Variants in CALN1 observed in about 807,000 individuals in gnomAD.
The protein encoded by CALN1 is calneuron 1, also known as calcium-binding protein 8.
A neutral mutation model predicts 30.6 loss-of-function variants in CALN1; 17 were observed. That is an observed-to-expected ratio of 0.56 (90% confidence interval 0.38 to 0.83). CALN1 has a LOEUF of 0.83. Among genes scored for constraint, CALN1 ranks in the 40% least tolerant of loss-of-function variants. CALN1 has a pLI of 0.00. For missense variants in CALN1, 291 were observed against 354.9 expected, an observed-to-expected ratio of 0.82 and a Z score of 1.45; for synonymous variants, 156 against 131.4, an observed-to-expected ratio of 1.19 and a Z score of -1.28.
intron 2 of CALN1, among the ~76,000 whole-genome samples, chr7:72,342,620 A>G (rs1240322140): frequency 6.6e-6 from 1 of 152,174 alleles, no homozygotes; most frequent in Non-Finnish European, 1.5e-5. Context: ...AACAGTGAGG[A>G]GTCAATTTCA....
At chr7:72,184,108 T>C (rs1458935609) in intron 3 of CALN1, among the ~76,000 whole-genome samples, 1 of 152,190 alleles carries the variant, frequency 6.6e-6, no homozygotes, top group Non-Finnish European at 1.5e-5. Flanking sequence ...TCTCAGCAAA[T>C]GATAATCTCT....
chr7:72,117,196 A>C (rs1278564048), intron 3 of CALN1, among the ~76,000 whole-genome samples: 5 of 152,322 alleles, frequency 3.3e-5, no homozygotes, highest in African/African-American at 1.2e-4. Context: ...GCACACCTGC[A>C]GTCCCAGCTA....
chr7:72,224,163 C>A (rs2677280), intron 3 of CALN1, among the ~76,000 whole-genome samples: 1 of 151,922 alleles, frequency 6.6e-6, no homozygotes, highest in African/African-American at 2.4e-5. Flanking sequence ...GGCATATGTA[C>A]CCCCTTGAAT....
intron 4 of CALN1, among the ~76,000 whole-genome samples, chr7:72,026,388 C>G (rs972630227): frequency 1.3e-5 from 2 of 152,074 alleles, no homozygotes; most frequent in African/African-American, 4.8e-5. Context: ...GAGTTCGAGA[C>G]CAGTCTGGCC....
At chr7:71,831,702 A>G (rs1484109073) in intron 5 of CALN1, among the ~76,000 whole-genome samples, 2 of 151,346 alleles carry the variant, frequency 1.3e-5, no homozygotes, top group East Asian at 3.9e-4. Context: ...TCTAGGCAAC[A>G]TGGCAAAACC....
In CALN1 at chr7:72,023,824, T is replaced by C. The variant is rs1304282014; in HGVS notation, c.389-55A>G. 1.6e-5 allele frequency: 20 copies of C among 1,285,842 alleles called. No individual in the cohort carries two copies. In the East Asian group the frequency reaches 4.4e-4, roughly 28 times the overall value. 79.7% of individuals were successfully genotyped at this position (1,285,842 alleles called of 1,614,324 possible). On this transcript the variant is annotated intron_variant, in intron 4 of 6. Coordinates refer to ENST00000395275, the MANE Select transcript of CALN1 (RefSeq NM_031468.4). Reference sequence around the variant, plus strand: ...CAAACAAGCTGAACTTGACCTACCGTACCTGATGCAATAAACACCTCTACG... The same window carrying C: ...CAAACAAGCTGAACTTGACCTACCGCACCTGATGCAATAAACACCTCTACG...
chr7:71,900,440 T>G (rs1297318274), intron 5 of CALN1, among the ~76,000 whole-genome samples: 2 of 152,208 alleles, frequency 1.3e-5, no homozygotes, highest in African/African-American at 4.8e-5. Flanking sequence ...CTCCTAGATT[T>G]GATAAATGAA....
intron 2 of CALN1, among the ~76,000 whole-genome samples, chr7:72,314,201 G>A (rs1289272353): frequency 2.0e-5 from 3 of 152,148 alleles, no homozygotes. Flanking sequence ...CTCCCTGACG[G>A]CAGAATTCCA....
chr7:71,852,793 A>C (rs1790725165), intron 5 of CALN1, among the ~76,000 whole-genome samples: 1 of 152,118 alleles, frequency 6.6e-6, no homozygotes, highest in Non-Finnish European at 1.5e-5. Context: ...TTTAATTTGT[A>C]ATTTATCTAG....
At chr7:72,016,183 A>T (rs973168754) in intron 5 of CALN1, among the ~76,000 whole-genome samples, 1 of 137,718 alleles carries the variant, frequency 7.3e-6, no homozygotes, top group East Asian at 2.4e-4. Flanking sequence ...CAGGAGGTGG[A>T]GGTTGCAGTG....
chr7:72,184,802 AT>A (rs567192898), intron 3 of CALN1, among the ~76,000 whole-genome samples: 4 of 146,170 alleles, frequency 2.7e-5, no homozygotes, highest in Admixed American at 6.8e-5. Context: ...TCTTTTTCTT[AT>A]TTTTTTTTAG....
intron 4 of CALN1, among the ~76,000 whole-genome samples, chr7:72,099,479 A>G (rs1806491239): frequency 6.6e-6 from 1 of 151,254 alleles, no homozygotes; most frequent in African/African-American, 2.4e-5. Context: ...TTTTCTTAAC[A>G]GAACAGCTCA....
At chr7:71,953,337 A>G (rs1252802252) in intron 5 of CALN1, among the ~76,000 whole-genome samples, 1 of 152,016 alleles carries the variant, frequency 6.6e-6, no homozygotes, top group Non-Finnish European at 1.5e-5. Flanking sequence ...AATATTTTCC[A>G]TATGGCCTTG....
At chr7:72,235,052 T>C (rs1794383617) in intron 3 of CALN1, among the ~76,000 whole-genome samples, 1 of 152,082 alleles carries the variant, frequency 6.6e-6, no homozygotes, top group African/African-American at 2.4e-5. Context: ...GAGAATCACT[T>C]CTGGAAGTTC....
intron 2 of CALN1, among the ~76,000 whole-genome samples, chr7:72,342,258 C>CAAAAAAA (rs35193419): frequency 2.1e-4 from 27 of 126,632 alleles, no homozygotes; most frequent in African/African-American, 7.7e-4. Flanking sequence ...GACTTTGTCT[C>CAAAAAAA]AAAAAAAAAA....
chr7:71,901,089 TCTTA>T (rs1319726255), intron 5 of CALN1, among the ~76,000 whole-genome samples: 1 of 152,164 alleles, frequency 6.6e-6, no homozygotes, highest in African/African-American at 2.4e-5. Context: ...CTTTGCCTAC[TCTTA>T]CTTTGGACTT....
chr7:71,811,145 C>T (rs1182713433), intron 5 of CALN1, among the ~76,000 whole-genome samples: 2 of 152,214 alleles, frequency 1.3e-5, no homozygotes, highest in East Asian at 3.9e-4. Flanking sequence ...GATCCGCCCG[C>T]CTCGGCCTCC....
At chr7:71,948,031 G>T (rs538303934) in intron 5 of CALN1, among the ~76,000 whole-genome samples, 2 of 152,090 alleles carry the variant, frequency 1.3e-5, no homozygotes, top group East Asian at 3.9e-4. Context: ...GTGCATTTTT[G>T]GGGGACTGAT....
At chr7:72,456,689 A>G in the CALN1 span, among the ~76,000 whole-genome samples, 11,278 of 152,012 alleles carry the variant, frequency 0.074, 1,389 homozygotes, top group African/African-American at 0.25. Context: ...CCCCATCTCT[A>G]CAGAAAAATA....
Sources: gnomAD v4.1 joint callset for allele counts (sites outside exome capture counted in the v4.1 genomes callset) on GRCh38, gnomAD v4.1.1 for gene constraint, MANE v1.5 for transcripts, NCBI Gene and HGNC (gene_info 2026-07-23, HGNC 2026-07-21) for gene names.